Variants in OPCML observed in about 807,000 individuals in gnomAD.
OPCML encodes opioid-binding protein/cell adhesion molecule.
A neutral mutation model predicts 37.8 loss-of-function variants in OPCML; 13 were observed. The ratio of observed to expected loss-of-function variants is 0.34; its 90% CI spans 0.22 to 0.55. The LOEUF (loss-of-function observed/expected upper bound fraction) is 0.55, where lower values mean the gene tolerates loss of function less well. Among genes scored for constraint, OPCML ranks in the 20% least tolerant of loss-of-function variants. The pLI is 0.91. For missense variants in OPCML, 341 were observed against 435.6 expected (o/e 0.78, Z 1.93); for synonymous variants, 176 against 168.8 (o/e 1.04, Z -0.33).
At chr11:133,267,893 C>A (rs915522040) in intron 1 of OPCML, among the ~76,000 whole-genome samples, 2 of 152,192 alleles carry the variant, frequency 1.3e-5, no homozygotes, top group Non-Finnish European at 2.9e-5. Context: ...GGTTGGGAGG[C>A]CTCCCCAGCC....
intron 2 of OPCML, among the ~76,000 whole-genome samples, chr11:132,754,340 T>G (rs1945956516): frequency 6.6e-6 from 1 of 152,284 alleles, no homozygotes; most frequent in East Asian, 1.9e-4. Flanking sequence ...GCTATTCTCA[T>G]GATAATGAAT....
chr11:132,863,043 ATTG>A (rs1459758422), intron 2 of OPCML, among the ~76,000 whole-genome samples: 1 of 152,198 alleles, frequency 6.6e-6, no homozygotes, highest in East Asian at 1.9e-4. Flanking sequence ...ATGCCTGTCT[ATTG>A]TTAGACTGGG....
At chr11:133,092,771 T>G (rs1177780552) in intron 1 of OPCML, among the ~76,000 whole-genome samples, 1 of 152,100 alleles carries the variant, frequency 6.6e-6, no homozygotes, top group Non-Finnish European at 1.5e-5. Context: ...ATTATCTTGT[T>G]CTTTCTCTGT....
intron 4 of OPCML, among the ~76,000 whole-genome samples, chr11:132,523,870 C>T (rs1723060402): frequency 1.3e-5 from 2 of 152,184 alleles, no homozygotes; most frequent in African/African-American, 4.8e-5. Flanking sequence ...GGAAAATTCA[C>T]TTGTATGAAA....
At chr11:133,403,122 A>T (rs1945444081) in intron 1 of OPCML, among the ~76,000 whole-genome samples, 1 of 152,220 alleles carries the variant, frequency 6.6e-6, no homozygotes, top group South Asian at 2.1e-4. Context: ...AGATTACTTA[A>T]GTACAAATCT....
chr11:132,716,343 G>A (rs527322159), intron 2 of OPCML, among the ~76,000 whole-genome samples: 2 of 152,232 alleles, frequency 1.3e-5, no homozygotes, highest in African/African-American at 4.8e-5. Context: ...AAAAGACTGT[G>A]GGAACAAAAA....
At chr11:133,023,871 A>G (rs1413043992) in intron 1 of OPCML, among the ~76,000 whole-genome samples, 1 of 152,238 alleles carries the variant, frequency 6.6e-6, no homozygotes, top group Non-Finnish European at 1.5e-5. Context: ...AATAAAATTA[A>G]CACTTGGGGA....
At position 133,532,283 on chromosome 11, in the gene OPCML, A is replaced by G. The variant is rs562430101; in HGVS notation, c.42T>C (p.Thr14=). The G allele has an allele frequency of 1.9e-6, 3 of 1,614,050 alleles. No homozygotes were observed. Among genetic ancestry groups the G allele is most frequent in the African/African-American group, 2.7e-5 (2 of 75,050 alleles). ...PAYWVVFSAT[T]ALLFIPGVPV... ...CGGTACCTGGGATGAAGAGCAGGGC[A>G]GTTGTCGCCGAGAAGACGACCCAGT... Residue 14 remains threonine (T), a synonymous_variant, in exon 1 of 8, where the codon ACT becomes ACC. Coordinates refer to ENST00000524381, the MANE Select transcript of OPCML (RefSeq NM_001012393.5).
intron 1 of OPCML, among the ~76,000 whole-genome samples, chr11:133,507,215 A>G (rs1405063625): frequency 1.3e-5 from 2 of 152,206 alleles, no homozygotes; most frequent in Admixed American, 1.3e-4. Flanking sequence ...AAAGCCTGAT[A>G]CTGGACTGAG....
At chr11:133,458,682 C>T (rs1265335934) in intron 1 of OPCML, among the ~76,000 whole-genome samples, 5 of 127,932 alleles carry the variant, frequency 3.9e-5, no homozygotes, top group Non-Finnish European at 6.4e-5. Context: ...CATAGATGCA[C>T]GTGTGTGTGT....
chr11:132,832,135 A>T (rs1319917444), intron 2 of OPCML, among the ~76,000 whole-genome samples: 2 of 151,918 alleles, frequency 1.3e-5, no homozygotes, highest in Admixed American at 1.3e-4. Flanking sequence ...TAGTAAAGGA[A>T]TCCCTAGTCA....
intron 1 of OPCML, among the ~76,000 whole-genome samples, chr11:133,415,990 C>T (rs911101501): frequency 1.3e-5 from 2 of 152,200 alleles, no homozygotes; most frequent in African/African-American, 2.4e-5. Flanking sequence ...TGATTCTCCC[C>T]TAAAACCTCC....
At chr11:133,060,276 G>A (rs569283859) in intron 1 of OPCML, among the ~76,000 whole-genome samples, 1 of 151,392 alleles carries the variant, frequency 6.6e-6, no homozygotes, top group East Asian at 2.0e-4. Context: ...TTCAGGAAGA[G>A]TATTTACTAC....
intron 2 of OPCML, among the ~76,000 whole-genome samples, chr11:132,799,789 T>A (rs1004304370): frequency 6.6e-6 from 1 of 152,316 alleles, no homozygotes; most frequent in South Asian, 2.1e-4. Flanking sequence ...TGCCTGTTTA[T>A]GTCTGTTCTT....
intron 2 of OPCML, among the ~76,000 whole-genome samples, chr11:132,924,991 G>T (rs1944939294): frequency 6.6e-6 from 1 of 152,092 alleles, no homozygotes; most frequent in African/African-American, 2.4e-5. Flanking sequence ...CAGTTTCAAA[G>T]GTTTCCACTG....
intron 1 of OPCML, among the ~76,000 whole-genome samples, chr11:133,505,418 C>T (rs1948004804): frequency 6.6e-6 from 1 of 152,208 alleles, no homozygotes; most frequent in Non-Finnish European, 1.5e-5. Context: ...GTTCTGACGG[C>T]TGAGTCTGGC....
At chr11:133,512,585 G>A (rs1651330088) in intron 1 of OPCML, among the ~76,000 whole-genome samples, 1 of 152,086 alleles carries the variant, frequency 6.6e-6, no homozygotes, top group Non-Finnish European at 1.5e-5. Flanking sequence ...CAAATCTCAG[G>A]GGAACAACTG....
intron 1 of OPCML, among the ~76,000 whole-genome samples, chr11:133,481,822 C>T (rs752155073): frequency 4.6e-5 from 7 of 152,094 alleles, no homozygotes; most frequent in Non-Finnish European, 8.8e-5. Context: ...GACTATTCAA[C>T]GGGATGGAGG....
chr11:133,204,850 T>TTATATATATATATGTGTATATATA (rs1938960469), intron 1 of OPCML, among the ~76,000 whole-genome samples: 1 of 123,622 alleles, frequency 8.1e-6, no homozygotes, highest in Admixed American at 9.1e-5. Flanking sequence ...TTGTGATCTA[T>TTATATATATATATGTGTATATATA]TATATATATA....
Sources: allele counts gnomAD v4.1 joint callset (sites outside exome capture counted in the v4.1 genomes callset), GRCh38; gene constraint gnomAD v4.1.1; transcripts MANE v1.5; gene names NCBI Gene and HGNC (gene_info 2026-07-23, HGNC 2026-07-21).